R3HCC1L: variants seen among roughly 807,000 people sequenced by gnomAD.
R3HCC1L encodes the protein R3H domain and coiled-coil containing 1 like.
R3HCC1L carries 51 observed loss-of-function variants against 59.9 expected under a neutral mutation model. The observed-to-expected ratio is 0.85, with a 90% CI of 0.68 to 1.07. The LOEUF is 1.07. Among genes scored for constraint, R3HCC1L ranks in the 50% least tolerant of loss-of-function variants. R3HCC1L has a pLI of 0.00. For synonymous variants in R3HCC1L, 322 were observed against 315.2 expected (o/e 1.02, Z -0.23); for missense variants, 965 against 933.0 (o/e 1.03, Z -0.45).
At chr10:98,178,406 C>A (rs541332917) in intron 4 of R3HCC1L, among the ~76,000 whole-genome samples, 1 of 152,088 alleles carries the variant, frequency 6.6e-6, no homozygotes, top group African/African-American at 2.4e-5. Flanking sequence ...GGCCTCTGTT[C>A]TGTTCCATTG....
chr10:98,170,236 G>A (rs1848388007), intron 4 of R3HCC1L, among the ~76,000 whole-genome samples: 1 of 152,072 alleles, frequency 6.6e-6, no homozygotes, highest in South Asian at 2.1e-4. Context: ...CTGGGTTCTG[G>A]TCTTAGTTAC....
intron 4 of R3HCC1L, among the ~76,000 whole-genome samples, chr10:98,197,691 C>A (rs962208753): frequency 6.6e-6 from 1 of 151,854 alleles, no homozygotes; most frequent in African/African-American, 2.4e-5. Flanking sequence ...ATTGTAGATA[C>A]AAAGACAAAA....
intron 1 of R3HCC1L, among the ~76,000 whole-genome samples, chr10:98,152,186 C>T (rs530747019): frequency 2.0e-4 from 30 of 152,356 alleles, no homozygotes; most frequent in African/African-American, 6.5e-4. Flanking sequence ...AGCTCCTAAC[C>T]GCGAGTGGTC....
intron 4 of R3HCC1L, among the ~76,000 whole-genome samples, chr10:98,182,684 T>G (rs1309254068): frequency 1.3e-5 from 2 of 152,222 alleles, no homozygotes; most frequent in Non-Finnish European, 2.9e-5. Context: ...TGAGCTGCGG[T>G]GGGCTCTACC....
intron 4 of R3HCC1L, among the ~76,000 whole-genome samples, chr10:98,165,619 G>T (rs2134245537): frequency 6.6e-6 from 1 of 152,332 alleles, no homozygotes; most frequent in East Asian, 1.9e-4. Flanking sequence ...TATTTGGATT[G>T]TGGAGTGGAA....
chr10:98,211,902 C>T (rs1853623171), intron 5 of R3HCC1L, among the ~76,000 whole-genome samples: 1 of 152,102 alleles, frequency 6.6e-6, no homozygotes, highest in Non-Finnish European at 1.5e-5. Flanking sequence ...TAGGCAACAA[C>T]TCAGTATTTC....
chr10:98,159,056 T>A (rs1847154372), intron 2 of R3HCC1L, among the ~76,000 whole-genome samples: 1 of 152,200 alleles, frequency 6.6e-6, no homozygotes, highest in South Asian at 2.1e-4. Context: ...TCCTCTTGCC[T>A]TGGCCTTCCA....
At chr10:98,167,422 A>G (rs145003322) in intron 4 of R3HCC1L, among the ~76,000 whole-genome samples, 104 of 152,346 alleles carry the variant, frequency 6.8e-4, no homozygotes, top group African/African-American at 2.2e-3. Context: ...GAGGGAGGTG[A>G]TAGATACGGA....
rs772103612 is a variant in R3HCC1L at position 98,236,108 on chromosome 10, G to C, written c.2213G>C (p.Ser738Thr). The C allele has an allele frequency of 2.5e-6, 4 of 1,614,006 alleles. No individual in the cohort carries two copies. Among genetic ancestry groups the C allele is most frequent in the Non-Finnish European group, 3.4e-6 (4 of 1,179,926 alleles). Residue 738 changes from serine (S) to threonine (T), a missense_variant, in exon 9 of 10, where the codon AGT becomes ACT. Ser to Thr is a moderately conservative substitution (Grantham distance 58). Transcript: ENST00000298999. ...RLVISALGVRSKQSKTEREAE... is the reference protein window; with the variant it reads ...RLVISALGVRTKQSKTEREAE... ...GTCATCAGTGCCCTTGGGGTTCGAAGTAAGCAGAGCAAAACCGAACGAGAA... is the reference window on the plus strand; with the variant it reads ...GTCATCAGTGCCCTTGGGGTTCGAACTAAGCAGAGCAAAACCGAACGAGAA...
intron 4 of R3HCC1L, among the ~76,000 whole-genome samples, chr10:98,164,202 A>G (rs553256264): frequency 1.3e-5 from 2 of 152,294 alleles, no homozygotes; most frequent in South Asian, 4.1e-4. Flanking sequence ...ATGACATGAT[A>G]ATGGTGATTT....
At chr10:98,153,628 AAAAG>A (rs1055276519) in intron 1 of R3HCC1L, among the ~76,000 whole-genome samples, 53 of 150,312 alleles carry the variant, frequency 3.5e-4, no homozygotes, top group Non-Finnish European at 5.9e-4. Context: ...AAAAAAAAAA[AAAAG>A]AAGTTTAGAC....
Position 98,231,771 on chromosome 10 carries a change from T to A in R3HCC1L, c.1961+84T>A, listed in dbSNP as rs1210593451. ...TTTTCTGAGAAATCATCTCTTGTTT[T>A]TTATATCCCGTTTTTCATATTTTAG... On this transcript the variant is annotated intron_variant, in intron 6 of 9. Transcript: ENST00000298999. 3 of 1,341,884 alleles carry A rather than the reference T, an allele frequency of 2.2e-6. No individual in the cohort carries two copies. In the African/African-American group the frequency reaches 4.5e-5, roughly 20 times the overall value. 83.1% of individuals were successfully genotyped at this position (1,341,884 alleles called of 1,614,324 possible).
chr10:98,206,657 T>C (rs1483435797), intron 4 of R3HCC1L, among the ~76,000 whole-genome samples: 2 of 152,220 alleles, frequency 1.3e-5, no homozygotes, highest in Non-Finnish European at 2.9e-5. Flanking sequence ...TTTTGCTAAG[T>C]AATCCCCATT....
At position 98,212,047 on chromosome 10, in the gene R3HCC1L, TG is replaced by T. The variant is rs563720313; in HGVS notation, c.1785+2150del. ...TGTTTGGCTTATGTTTGGAGGTACT[TG>T]GAAAAGAGTAGGGTCTGTGTTGAGG... On this transcript the variant is annotated intron_variant, in intron 5 of 9. Transcript: ENST00000298999. Among the ~76,000 whole-genome samples the T allele has an allele frequency of 3.1e-3, 470 of 152,090 alleles. 2 individuals carry two copies. Among genetic ancestry groups the T allele is most frequent in the African/African-American group, 0.011 (457 of 41,472 alleles).
chr10:98,156,974 G>A (rs1227456563), intron 2 of R3HCC1L, among the ~76,000 whole-genome samples: 1 of 152,162 alleles, frequency 6.6e-6, no homozygotes, highest in African/African-American at 2.4e-5. Flanking sequence ...GCCTTTCCAT[G>A]TCTGAAAATA....
chr10:98,140,167 A>T (rs780874800), intron 1 of R3HCC1L, among the ~76,000 whole-genome samples: 1 of 152,230 alleles, frequency 6.6e-6, no homozygotes, highest in Middle Eastern at 3.4e-3. Flanking sequence ...GTTCTTTGCC[A>T]TGGAATGCCA....
chr10:98,196,975 GGCAC>G, intron 4 of R3HCC1L, among the ~76,000 whole-genome samples: 2 of 152,030 alleles, frequency 1.3e-5, no homozygotes, highest in Non-Finnish European at 2.9e-5. Flanking sequence ...GGAGTGCAGT[GGCAC>G]AATCTCAGTT....
intron 4 of R3HCC1L, among the ~76,000 whole-genome samples, chr10:98,207,160 C>T (rs1314944528): frequency 1.3e-5 from 2 of 152,152 alleles, no homozygotes; most frequent in Non-Finnish European, 2.9e-5. Context: ...GTGTGTGCAT[C>T]TGTGTGTATG....
rs1848841371 is a variant in R3HCC1L at position 98,174,820 on chromosome 10, A to G, written c.-15+11423A>G. ...TGGTGAATCTAAGGTTTTGAGTGAGAAAGTCTAGAAAAAAATGTATTTTAG... is the reference window on the plus strand; with the variant it reads ...TGGTGAATCTAAGGTTTTGAGTGAGGAAGTCTAGAAAAAAATGTATTTTAG... On this transcript the variant is annotated intron_variant, in intron 4 of 9. Coordinates refer to ENST00000298999, the MANE Select transcript of R3HCC1L (RefSeq NM_001351015.2). The G allele has an allele frequency of 2.0e-5, 19 of 938,900 alleles. No homozygotes were observed. In the South Asian group the frequency reaches 3.0e-4, roughly 15 times the overall value. The allele number at this position is 938,900 out of a possible 1,614,324, so 58.2% of individuals were successfully genotyped here.
Sources: allele counts gnomAD v4.1 joint callset (sites outside exome capture counted in the v4.1 genomes callset), GRCh38; gene constraint gnomAD v4.1.1; transcripts MANE v1.5; gene names NCBI Gene and HGNC (gene_info 2026-07-23, HGNC 2026-07-21).